Variants in CASR observed in about 807,000 individuals in gnomAD.
CASR encodes the protein extracellular calcium-sensing receptor.
In CASR, 23 loss-of-function variants were observed where a neutral mutation model predicts 69.1. The ratio of observed to expected loss-of-function variants is 0.33; its 90% confidence interval spans 0.24 to 0.47. CASR has a LOEUF of 0.47. Ranked by LOEUF, CASR falls within the 20% of genes least tolerant of loss-of-function variation. The probability of loss-of-function intolerance (pLI) is 1.00; values close to 1 mark genes in which losing one functional copy is unlikely to be tolerated. For synonymous variants in CASR, 541 were observed against 544.7 expected, an observed-to-expected ratio of 0.99 and a Z score of 0.10; for missense variants, 924 against 1,356.1, an observed-to-expected ratio of 0.68 and a Z score of 5.00.
intron 5 of CASR, among the ~76,000 whole-genome samples, chr3:122,280,384 G>A (rs1204488208): frequency 1.3e-5 from 2 of 152,128 alleles, no homozygotes; most frequent in African/African-American, 4.8e-5. Flanking sequence ...AGAAATAAAG[G>A]GTATTCAAAT....
rs1330735873 is a variant in CASR, at chr3:122,285,064, G to T, written c.3110G>T (p.Gly1037Val). The T allele has an allele frequency of 6.2e-7, 1 of 1,614,126 alleles. No homozygotes were observed. ...GAAACAGGTCTGCAAGGACCTGTGG[G>T]TGGAGACCAGCGGCCAGAGGTGGAG... Reference protein sequence around the residue: ...VQETGLQGPVGGDQRPEVEDP... With the variant: ...VQETGLQGPVVGDQRPEVEDP... Residue 1037 changes from glycine (G) to valine (V), a missense_variant, in exon 7 of 7, where the codon GGT becomes GTT. Gly to Val is a moderately radical substitution (Grantham distance 109, BLOSUM62 -3). Around this residue, in one of 8 missense-constraint regions of CASR, gnomAD observed 201 missense variants for 228.8 expected, o/e 0.88. Coordinates refer to ENST00000639785, the MANE Select transcript of CASR (RefSeq NM_000388.4).
chr3:122,263,320 T>C (rs1485529033), intron 4 of CASR, among the ~76,000 whole-genome samples: 1 of 152,224 alleles, frequency 6.6e-6, no homozygotes, highest in Non-Finnish European at 1.5e-5. Flanking sequence ...ACCATGGCTG[T>C]AAGTCACAGT....
chr3:122,231,863 G>A (rs1182235322), intron 1 of CASR, among the ~76,000 whole-genome samples: 1 of 151,944 alleles, frequency 6.6e-6, no homozygotes, highest in Non-Finnish European at 1.5e-5. Flanking sequence ...AAATACCGAC[G>A]GGCTTGAGCA....
chr3:122,201,172 G>T (rs539029275), intron 1 of CASR, among the ~76,000 whole-genome samples: 2 of 151,982 alleles, frequency 1.3e-5, no homozygotes, highest in African/African-American at 4.8e-5. Flanking sequence ...TGTGTCCCTG[G>T]GTACTTGAGA....
chr3:122,221,606 G>A (rs1454391964), intron 1 of CASR, among the ~76,000 whole-genome samples: 1 of 152,206 alleles, frequency 6.6e-6, no homozygotes, highest in Non-Finnish European at 1.5e-5. Flanking sequence ...GGTTCCTAAA[G>A]GTGTAGAATC....
chr3:122,193,545 TA>T (rs2073859257), intron 1 of CASR, among the ~76,000 whole-genome samples: 1 of 152,222 alleles, frequency 6.6e-6, no homozygotes, highest in South Asian at 2.1e-4. Context: ...GGGGTGCTTT[TA>T]TTCCTAGAAA....
chr3:122,260,097 A>G (rs1360041147), intron 3 of CASR, among the ~76,000 whole-genome samples: 2 of 152,200 alleles, frequency 1.3e-5, no homozygotes, highest in Admixed American at 1.3e-4. Context: ...GTGGTGAGCC[A>G]TGATGACACA....
At chr3:122,265,779 T>C (rs1207641533) in intron 4 of CASR, among the ~76,000 whole-genome samples, 1 of 152,050 alleles carries the variant, frequency 6.6e-6, no homozygotes, top group Non-Finnish European at 1.5e-5. Context: ...ATGCACAAGG[T>C]GTGCTTCCTA....
chr3:122,214,577 A>T (rs951530622), intron 1 of CASR, among the ~76,000 whole-genome samples: 1 of 152,230 alleles, frequency 6.6e-6, no homozygotes, highest in Non-Finnish European at 1.5e-5. Context: ...CATTCTGAAC[A>T]TATCTAAGTC....
At chr3:122,210,725 G>GA (rs1476336433) in intron 1 of CASR, among the ~76,000 whole-genome samples, 1 of 151,926 alleles carries the variant, frequency 6.6e-6, no homozygotes, top group African/African-American at 2.4e-5. Flanking sequence ...CACAGAATTA[G>GA]AAAAAACCAC....
Position 122,284,382 on chromosome 3 carries a change from A to T in CASR, c.2428A>T (p.Ser810Cys). The change falls in exon 7 of 7, where the codon AGC becomes TGC. Residue 810 changes from serine to cysteine, a missense_variant. This residue lies in a region of CASR where 184 missense variants were observed against 278.8 expected (regional missense o/e 0.66). Coordinates refer to ENST00000639785, the MANE Select transcript of CASR (RefSeq NM_000388.4). The stretch of plus-strand genomic sequence containing the variant: ...CAATGAAGCCAAGTTCATCACCTTC[A>T]GCATGCTCATCTTCTTCATCGTCTG... The part of the protein sequence containing the change: ...NFNEAKFITF[S>C]MLIFFIVWIS... 1.2e-6 allele frequency: 2 copies of T among 1,614,052 alleles called. No individual in the cohort carries two copies. The highest frequency in any genetic ancestry group is 1.7e-6 in the Non-Finnish European group (2 of 1,180,000).
Position 122,262,369 on chromosome 3 carries a change from C to T in CASR, c.1334C>T (p.Thr445Ile), listed in dbSNP as rs1471887387. 3 of 1,613,896 alleles carry T rather than the reference C, an allele frequency of 1.9e-6. No individual in the cohort carries two copies. Among genetic ancestry groups the T allele is most frequent in the Non-Finnish European group, 2.5e-6 (3 of 1,180,024 alleles). The change falls in exon 4 of 7, where the codon ACC (threonine) becomes ATC (isoleucine). Residue 445 changes from threonine to isoleucine, a missense_variant. Coordinates refer to ENST00000639785, the MANE Select transcript of CASR (RefSeq NM_000388.4). ...TGCTTACCTGGGAGAGGGCTCTTCACCAATGGCTCCTGTGCAGACATCAAG... is the reference window on the plus strand; with the variant it reads ...TGCTTACCTGGGAGAGGGCTCTTCATCAATGGCTCCTGTGCAGACATCAAG... Reference protein sequence around the residue: ...YTCLPGRGLFTNGSCADIKKV... With the variant: ...YTCLPGRGLFINGSCADIKKV...
At chr3:122,249,394 T>A (rs2074460124) in intron 1 of CASR, among the ~76,000 whole-genome samples, 2 of 152,252 alleles carry the variant, frequency 1.3e-5, no homozygotes, top group African/African-American at 4.8e-5. Context: ...AAATTTCAAC[T>A]TTCTTTCCCT....
At chr3:122,203,113 C>G (rs2073974015) in intron 1 of CASR, among the ~76,000 whole-genome samples, 1 of 152,234 alleles carries the variant, frequency 6.6e-6, no homozygotes, top group Non-Finnish European at 1.5e-5. Context: ...GAGGTATTGA[C>G]TGTTTCCAGC....
At chr3:122,215,465 G>T (rs1209933035) in intron 1 of CASR, among the ~76,000 whole-genome samples, 1 of 152,136 alleles carries the variant, frequency 6.6e-6, no homozygotes, top group Non-Finnish European at 1.5e-5. Context: ...CTTTATTTAA[G>T]AAACCTCTTT....
In CASR at chr3:122,286,297, C is replaced by T. The variant is rs201445183; in HGVS notation, c.*1106C>T. 5.3e-5 allele frequency: 8 copies of T among 152,174 alleles called. No individual in the cohort carries two copies. Among genetic ancestry groups the T allele is most frequent in the Non-Finnish European group, 8.8e-5 (6 of 68,038 alleles). 9.4% of individuals were successfully genotyped at this position (152,174 alleles called of 1,614,324 possible). Reference sequence around the variant, plus strand: ...CAGACCGGGGTTCAAGCCATGGCTTCGTCATTTGCAAGCTGAGTGACTGTA... The same window carrying T: ...CAGACCGGGGTTCAAGCCATGGCTTTGTCATTTGCAAGCTGAGTGACTGTA... On this transcript the variant is annotated 3_prime_UTR_variant, in exon 7 of 7. Transcript: ENST00000639785.
intron 1 of CASR, among the ~76,000 whole-genome samples, chr3:122,241,712 G>GT (rs1553764683): frequency 1.3e-5 from 2 of 151,806 alleles, no homozygotes; most frequent in Non-Finnish European, 2.9e-5. Context: ...ACCAGACAAA[G>GT]ACACACACAC....
intron 1 of CASR, among the ~76,000 whole-genome samples, chr3:122,216,373 CACTACCACCAT>C (rs1001337354): frequency 1.3e-5 from 2 of 152,204 alleles, no homozygotes; most frequent in African/African-American, 4.8e-5. Context: ...CAGTTTGAAT[CACTACCACCAT>C]TGTTTTTAGC....
intron 4 of CASR, among the ~76,000 whole-genome samples, chr3:122,265,067 C>T (rs894801237): frequency 6.6e-6 from 1 of 152,206 alleles, no homozygotes; most frequent in African/African-American, 2.4e-5. Flanking sequence ...CAATTTTTAT[C>T]TCTGCTGTCA....
Sources: gnomAD v4.1 joint callset for allele counts (sites outside exome capture counted in the v4.1 genomes callset) on GRCh38, gnomAD v4.1.1 for gene constraint, gnomAD v4.1.1 regional missense constraint, MANE v1.5 for transcripts, NCBI Gene and HGNC (gene_info 2026-07-23, HGNC 2026-07-21) for gene names.